The following LCK variants were observed in gnomAD, a reference collection of about 807,000 sequenced individuals.
LCK encodes the protein LCK proto-oncogene, Src family tyrosine kinase.
A neutral mutation model predicts 64.6 loss-of-function variants in LCK; 14 were observed. The observed-to-expected ratio is 0.22, with a 90% confidence interval of 0.14 to 0.34. LCK has a LOEUF of 0.34. Among genes scored for constraint, LCK ranks in the 10% least tolerant of loss-of-function variants. LCK has a pLI of 1.00. For missense variants in LCK, 434 were observed against 668.1 expected (o/e 0.65, Z 3.86); for synonymous variants, 277 against 263.6 (o/e 1.05, Z -0.49).
intron 1 of LCK, among the ~76,000 whole-genome samples, chr1:32,259,262 G>A (rs1311186452): frequency 3.1e-5 from 4 of 129,144 alleles, no homozygotes; most frequent in Admixed American, 8.9e-5. Flanking sequence ...AAAATTACCC[G>A]GGCCCTCTCA....
intron 3 of LCK, 26 bp downstream of exon 3, chr1:32,274,844 A>G: frequency 6.2e-7 from 1 of 1,614,028 alleles, no homozygotes; most frequent in South Asian, 1.1e-5. Flanking sequence ...AGGGCCTGAA[A>G]GACAAGGCCT....
chr1:32,279,622 G>A (rs1474105951), intron 9 of LCK, 49 bp from the exon 10 acceptor site: 3 of 1,613,730 alleles, frequency 1.9e-6, no homozygotes, highest in Non-Finnish European at 2.5e-6. Context: ...AGGTCTGGGG[G>A]CCTCCCCCTG....
chr1:32,281,814 C>T (rs1012926462), intron 12 of LCK, among the ~76,000 whole-genome samples: 2 of 152,050 alleles, frequency 1.3e-5, no homozygotes, highest in Non-Finnish European at 2.9e-5. Context: ...CCTGTAATAC[C>T]AGCACTTTGG....
At position 32,274,728 on chromosome 1, in the gene LCK, A is replaced by C; in HGVS notation, c.106-9A>C. ...CTTTCTGACCCCACCCTCATCCCCC[A>C]CTCCACAGCTGCTCATCCGAAATGG... On this transcript the variant is annotated splice_polypyrimidine_tract_variant and intron_variant, in intron 2 of 12. Transcript: ENST00000336890. 1 of 1,567,202 alleles carries C rather than the reference A, an allele frequency of 6.4e-7. No homozygotes were observed. Among genetic ancestry groups the C allele is most frequent in the Non-Finnish European group, 8.7e-7 (1 of 1,153,796 alleles).
intron 9 of LCK, among the ~76,000 whole-genome samples, chr1:32,277,930 C>A (rs538353220): frequency 1.1e-4 from 17 of 152,328 alleles, no homozygotes; most frequent in African/African-American, 3.8e-4. Context: ...AACTCCAGCA[C>A]TTTGGGAGGC....
chr1:32,274,723 C>T lies in LCK; in HGVS notation c.106-14C>T, dbSNP rs898277546. The T allele has an allele frequency of 3.8e-6, 6 of 1,560,032 alleles. No individual in the cohort carries two copies. The highest frequency in any genetic ancestry group is 4.4e-6 in the Non-Finnish European group (5 of 1,148,894). On this transcript the variant is annotated splice_polypyrimidine_tract_variant and intron_variant, in intron 2 of 12. Coordinates refer to ENST00000336890, the MANE Select transcript of LCK (RefSeq NM_005356.5). ...TTCTGCTTTCTGACCCCACCCTCAT[C>T]CCCCACTCCACAGCTGCTCATCCGA...
intron 1 of LCK, among the ~76,000 whole-genome samples, chr1:32,264,772 T>TCTTTTAATAG (rs1639868227): frequency 6.6e-6 from 1 of 152,106 alleles, no homozygotes; most frequent in Non-Finnish European, 1.5e-5. Flanking sequence ...AAAAAATTTT[T>TCTTTTAATAG]CTTTTAATAG....
intron 12 of LCK, among the ~76,000 whole-genome samples, chr1:32,280,443 C>CTTTTTTTTTTTTTTTTTTTT (rs770430504): frequency 1.2e-5 from 1 of 84,744 alleles, no homozygotes; most frequent in African/African-American, 5.5e-5. Context: ...TTTTCTTTTT[C>CTTTTTTTTTTTTTTTTTTTT]TTTTTTTTTT....
chr1:32,279,198 A>C (rs768661666), intron 9 of LCK, among the ~76,000 whole-genome samples: 2 of 152,144 alleles, frequency 1.3e-5, no homozygotes, highest in Non-Finnish European at 2.9e-5. Context: ...GCCTGGTAGG[A>C]TCTAGAGAGG....
chr1:32,255,162 T>C (rs1639599335), intron 1 of LCK, among the ~76,000 whole-genome samples: 3 of 152,070 alleles, frequency 2.0e-5, no homozygotes, highest in Admixed American at 2.0e-4. Context: ...GGAGGTTAAG[T>C]CTAGTCTCTG....
In LCK at chr1:32,275,863, C is replaced by G; in HGVS notation, c.482-51C>G. The G allele has an allele frequency of 6.2e-7, 1 of 1,604,478 alleles. No individual in the cohort carries two copies. The highest frequency in any genetic ancestry group is 8.5e-7 in the Non-Finnish European group (1 of 1,174,400). ...CCCAAGGTGGGGGCGCGGTGGCGGG[C>G]CAGACTCACTGCGTTCTTTCGTCGC... On this transcript the variant is annotated intron_variant, in intron 6 of 12. Coordinates refer to ENST00000336890, the MANE Select transcript of LCK (RefSeq NM_005356.5). This position sits in a 1 kb window ranked among gnomAD's most constrained non-coding sequence, Gnocchi z 6.9.
chr1:32,281,053 G>A (rs1465959705), intron 12 of LCK, among the ~76,000 whole-genome samples: 1 of 151,968 alleles, frequency 6.6e-6, no homozygotes, highest in Non-Finnish European at 1.5e-5. Context: ...ACCAGCCTGG[G>A]AAACTGGTCG....
At chr1:32,253,616 T>TC (rs1639560268) in intron 1 of LCK, among the ~76,000 whole-genome samples, 1 of 152,064 alleles carries the variant, frequency 6.6e-6, no homozygotes, top group Non-Finnish European at 1.5e-5. Flanking sequence ...GGTGGGGCAC[T>TC]CCCTCCCCCT....
intron 1 of LCK, among the ~76,000 whole-genome samples, chr1:32,267,469 A>C (rs1301330879): frequency 6.6e-6 from 1 of 152,126 alleles, no homozygotes; most frequent in Non-Finnish European, 1.5e-5. Context: ...AGTTTAAGAA[A>C]CAGGAGTCGA....
intron 1 of LCK, among the ~76,000 whole-genome samples, chr1:32,259,316 A>AAAAAG: frequency 6.7e-6 from 1 of 149,312 alleles, no homozygotes; most frequent in African/African-American, 2.4e-5. Context: ...AAAGAAAAAG[A>AAAAAG]AAAAAAAAAT....
chr1:32,259,372 C>T (rs1463901675), intron 1 of LCK, among the ~76,000 whole-genome samples: 1 of 150,772 alleles, frequency 6.6e-6, no homozygotes, highest in Non-Finnish European at 1.5e-5. Context: ...TGTAATCCCA[C>T]ACTTTGGGAG....
chr1:32,260,225 A>G (rs1304733875), intron 1 of LCK, among the ~76,000 whole-genome samples: 1 of 152,016 alleles, frequency 6.6e-6, no homozygotes, highest in African/African-American at 2.4e-5. Context: ...GTTGGCCAGA[A>G]TGGTCTCGAT....
chr1:32,269,126 A>AG (rs1640009195), intron 1 of LCK, among the ~76,000 whole-genome samples: 2 of 146,762 alleles, frequency 1.4e-5, no homozygotes, highest in South Asian at 4.3e-4. Context: ...AAAAAAAAAA[A>AG]GGAAAGAGAG....
At chr1:32,252,481 C>CT (rs1639531285) in intron 1 of LCK, among the ~76,000 whole-genome samples, 1 of 152,234 alleles carries the variant, frequency 6.6e-6, no homozygotes, top group Non-Finnish European at 1.5e-5. Context: ...TTGACACACA[C>CT]TTTCCGCCTA....
Sources: gnomAD v4.1 joint callset for allele counts (sites outside exome capture counted in the v4.1 genomes callset) on GRCh38, gnomAD v4.1.1 for gene constraint, Gnocchi (gnomAD v3.1) non-coding constraint, MANE v1.5 for transcripts, NCBI Gene and HGNC (gene_info 2026-07-23, HGNC 2026-07-21) for gene names.